The following MVB12B variants were observed in gnomAD, a reference collection of about 807,000 sequenced individuals.
The protein encoded by MVB12B is ESCRT-I complex subunit MVB12B.
A neutral mutation model predicts 41.6 loss-of-function variants in MVB12B; 16 were observed. The observed-to-expected ratio is 0.38, with a 90% confidence interval of 0.26 to 0.58. The LOEUF (loss-of-function observed/expected upper bound fraction) is 0.58, where lower values mean the gene tolerates loss of function less well. MVB12B is among the 20% of genes least tolerant of loss of function. The pLI is 0.62. For missense variants in MVB12B, 274 were observed against 380.2 expected, an observed-to-expected ratio of 0.72 and a Z score of 2.32; for synonymous variants, 133 against 139.7, an observed-to-expected ratio of 0.95 and a Z score of 0.34.
chr9:126,380,207 A>G (rs1830595824), intron 2 of MVB12B, among the ~76,000 whole-genome samples: 1 of 152,168 alleles, frequency 6.6e-6, no homozygotes, highest in African/African-American at 2.4e-5. Context: ...TTCACAGAGC[A>G]GTCTGGAAAG....
rs2118821118 is a variant in MVB12B at position 126,340,272 on chromosome 9, A to G, written c.82-236A>G. Among the ~76,000 whole-genome samples the G allele has an allele frequency of 6.6e-6, 1 of 152,216 alleles. No individual in the cohort carries two copies. Among genetic ancestry groups the G allele is most frequent in the African/African-American group, 2.4e-5 (1 of 41,540 alleles). ...TCAAGCTCACCTCCTGAGAGTAGAG[A>G]CAAGCTCTCATCTTAGCTCAGTGTT... On this transcript the variant is annotated intron_variant, in intron 1 of 9. Transcript: ENST00000361171. This position sits in a 1 kb window ranked among gnomAD's most constrained non-coding sequence, Gnocchi z 4.0.
intron 6 of MVB12B, among the ~76,000 whole-genome samples, chr9:126,416,154 C>T (rs1279845294): frequency 2.0e-5 from 3 of 152,336 alleles, no homozygotes; most frequent in South Asian, 2.1e-4. Context: ...TGTGGTGCTG[C>T]ATGGAGGCCC....
chr9:126,496,199 A>AC (rs1833827551), intron 9 of MVB12B, among the ~76,000 whole-genome samples: 1 of 31,984 alleles, frequency 3.1e-5, no homozygotes, highest in African/African-American at 1.3e-4. Context: ...CCACCCACCC[A>AC]CCTACCCACC....
chr9:126,409,031 G>C (rs906186348), intron 6 of MVB12B, among the ~76,000 whole-genome samples: 3 of 152,102 alleles, frequency 2.0e-5, no homozygotes, highest in African/African-American at 7.2e-5. Context: ...AATCGGCCTT[G>C]TGGGACTGTT....
intron 2 of MVB12B, among the ~76,000 whole-genome samples, chr9:126,346,230 C>T (rs1416757559): frequency 6.6e-6 from 1 of 152,134 alleles, no homozygotes; most frequent in Non-Finnish European, 1.5e-5. Flanking sequence ...GCTGTGAATT[C>T]GTGCAGAGTG....
intron 7 of MVB12B, among the ~76,000 whole-genome samples, chr9:126,461,179 C>T (rs1017498729): frequency 6.6e-6 from 1 of 152,188 alleles, no homozygotes; most frequent in Non-Finnish European, 1.5e-5. Context: ...AGGAGTGATG[C>T]CTTGATCCAG....
intron 6 of MVB12B, among the ~76,000 whole-genome samples, chr9:126,417,358 G>A (rs116865481): frequency 2.6e-5 from 4 of 152,322 alleles, no homozygotes; most frequent in South Asian, 2.1e-4. Flanking sequence ...GGCACACATT[G>A]TCTATCATAT....
intron 6 of MVB12B, among the ~76,000 whole-genome samples, chr9:126,400,098 C>T (rs1429947856): frequency 6.6e-6 from 1 of 152,182 alleles, no homozygotes; most frequent in Non-Finnish European, 1.5e-5. Context: ...GGCGTGTGCA[C>T]TGCCTCACAC....
At chr9:126,451,366 T>C (rs1317225465) in intron 7 of MVB12B, among the ~76,000 whole-genome samples, 1 of 152,168 alleles carries the variant, frequency 6.6e-6, no homozygotes, top group Non-Finnish European at 1.5e-5. Flanking sequence ...GGGGACTCTC[T>C]CAAAGGCCTA....
intron 6 of MVB12B, among the ~76,000 whole-genome samples, chr9:126,417,250 G>GATTTCA (rs1831852182): frequency 6.6e-6 from 1 of 152,236 alleles, no homozygotes; most frequent in East Asian, 1.9e-4. Context: ...TCAGTAACCT[G>GATTTCA]ATTTCAATTC....
chr9:126,441,587 C>T (rs1226731144), intron 7 of MVB12B, among the ~76,000 whole-genome samples: 1 of 152,130 alleles, frequency 6.6e-6, no homozygotes, highest in African/African-American at 2.4e-5. Flanking sequence ...AGAAGCCACT[C>T]CTTTATCAAT....
In MVB12B at chr9:126,506,146, T is replaced by A. The variant is rs1834065351; in HGVS notation, c.*2883T>A. On this transcript the variant is annotated 3_prime_UTR_variant, in exon 10 of 10. Coordinates refer to ENST00000361171, the MANE Select transcript of MVB12B (RefSeq NM_033446.3). ...CCAAGAACAAATGCCAGCCACGTCC[T>A]CCGCCACTTGGAGAGATGAGAACCC... 6.6e-6 allele frequency: 1 copy of A among 152,552 alleles called. No homozygotes were observed. 9.4% of individuals were successfully genotyped at this position (152,552 alleles called of 1,614,324 possible). A position where few individuals can be genotyped will look rare whatever the true frequency, so the allele number is the denominator to read the frequency against.
rs1588199292 is a variant in MVB12B, at chr9:126,473,620, C to T, written c.758-7749C>T. 6.6e-6 allele frequency among the ~76,000 whole-genome samples: 1 copy of T among 152,094 alleles called. No homozygotes were observed. The highest frequency in any genetic ancestry group is 2.1e-4 in the South Asian group (1 of 4,822). On this transcript the variant is annotated intron_variant, in intron 7 of 9. Transcript: ENST00000361171. The surrounding 1 kb of genome is among the most constrained non-coding windows in gnomAD (Gnocchi z 4.0). ...GAGCAGGAACAAGAAAGCCAAAGAG[C>T]GGAAGGTGCCACACGCCTTTAAACA...
At chr9:126,364,461 C>T (rs1372704465) in intron 2 of MVB12B, among the ~76,000 whole-genome samples, 1 of 152,194 alleles carries the variant, frequency 6.6e-6, no homozygotes, top group Non-Finnish European at 1.5e-5. Context: ...GAGGAGGCTG[C>T]ACTCCCCACT....
chr9:126,470,870 G>A (rs1833301838), intron 7 of MVB12B, among the ~76,000 whole-genome samples: 1 of 152,150 alleles, frequency 6.6e-6, no homozygotes, highest in Non-Finnish European at 1.5e-5. Flanking sequence ...TTATGTGAAA[G>A]CAGGTAGAAA....
At chr9:126,411,705 C>CA (rs1420065640) in intron 6 of MVB12B, among the ~76,000 whole-genome samples, 1 of 152,140 alleles carries the variant, frequency 6.6e-6, no homozygotes, top group Non-Finnish European at 1.5e-5. Context: ...ATGGTGGTTT[C>CA]TCCCTGAGGT....
intron 7 of MVB12B, among the ~76,000 whole-genome samples, chr9:126,442,748 C>T (rs1207837742): frequency 6.6e-6 from 1 of 152,106 alleles, no homozygotes; most frequent in Non-Finnish European, 1.5e-5. Context: ...CAACCAGTGG[C>T]TCTTAAAGCT....
chr9:126,389,966 C>T lies in MVB12B; in HGVS notation c.410-2100C>T, dbSNP rs535900456. Among the ~76,000 whole-genome samples the T allele has an allele frequency of 6.6e-6, 1 of 152,088 alleles. No individual in the cohort carries two copies. The highest frequency in any genetic ancestry group is 2.4e-5 in the African/African-American group (1 of 41,394). ...GTTATCTGACTCTTTAAAAAACAAC[C>T]CTACCCCCCTCAAAATATAATAACA... On this transcript the variant is annotated intron_variant, in intron 4 of 9. Transcript: ENST00000361171. The surrounding 1 kb of genome is among the most constrained non-coding windows in gnomAD (Gnocchi z 4.4).
intron 6 of MVB12B, among the ~76,000 whole-genome samples, chr9:126,411,500 G>A (rs1314698197): frequency 6.6e-6 from 1 of 152,226 alleles, no homozygotes; most frequent in Non-Finnish European, 1.5e-5. Flanking sequence ...GCATGGGCCT[G>A]TGTTCACTGG....
Sources: allele counts gnomAD v4.1 joint callset (sites outside exome capture counted in the v4.1 genomes callset), GRCh38; gene constraint gnomAD v4.1.1; non-coding constraint Gnocchi (gnomAD v3.1); transcripts MANE v1.5; gene names NCBI Gene and HGNC (gene_info 2026-07-23, HGNC 2026-07-21).